The following NDE1 variants were observed in gnomAD, a reference collection of about 807,000 sequenced individuals.
The protein encoded by NDE1 is nuclear distribution protein nudE homolog 1.
NDE1 carries 28 observed loss-of-function variants against 43.4 expected under a neutral mutation model. The ratio of observed to expected loss-of-function variants is 0.65; its 90% CI spans 0.48 to 0.89. The LOEUF (loss-of-function observed/expected upper bound fraction) is 0.89. Among genes scored for constraint, NDE1 ranks in the 40% least tolerant of loss-of-function variants. The pLI, the probability that NDE1 is intolerant of heterozygous loss-of-function variation, is 0.00. For missense variants in NDE1, 441 were observed against 434.1 expected, an observed-to-expected ratio of 1.02 and a Z score of -0.14; for synonymous variants, 184 against 172.0, an observed-to-expected ratio of 1.07 and a Z score of -0.55.
At chr16:15,667,491 G>A in intron 3 of NDE1, 52 bp downstream of exon 3, 1 of 1,604,508 alleles carries the variant, frequency 6.2e-7, no homozygotes, top group Non-Finnish European at 8.5e-7. Flanking sequence ...TCCAACACAG[G>A]CATGGCATGC....
At chr16:15,693,902 C>T (rs143813840) in intron 6 of NDE1, among the ~76,000 whole-genome samples, 214 of 152,134 alleles carry the variant, frequency 1.4e-3, no homozygotes, top group African/African-American at 4.0e-3. Flanking sequence ...ATCACATCAC[C>T]GCACTCCAGT....
chr16:15,699,599 G>A (rs1308848841), intron 8 of NDE1: 2 of 1,213,488 alleles, frequency 1.6e-6, no homozygotes, highest in Non-Finnish European at 2.1e-6. Context: ...TTTCACAGGA[G>A]AGAAAATTGA....
intron 8 of NDE1, chr16:15,703,686 T>A: frequency 2.2e-6 from 1 of 456,040 alleles, no homozygotes; most frequent in Non-Finnish European, 4.1e-6. Context: ...AGTCCTGGGC[T>A]GGAGCGTTCT....
At chr16:15,670,561 G>A (rs904840324) in intron 3 of NDE1, among the ~76,000 whole-genome samples, 1 of 151,964 alleles carries the variant, frequency 6.6e-6, no homozygotes, top group African/African-American at 2.4e-5. Context: ...GGAGGCTGAG[G>A]CAGGAGAATC....
At chr16:15,654,871 AACAATTTTTGAAATGTCTAGCAC>A (rs1268094999) in intron 1 of NDE1, among the ~76,000 whole-genome samples, 1 of 151,366 alleles carries the variant, frequency 6.6e-6, no homozygotes, top group Non-Finnish European at 1.5e-5. Context: ...AATGTTTGCA[AACAATTTTTGAAATGTCTAGCAC>A]ACAGCAAACA....
intron 1 of NDE1, among the ~76,000 whole-genome samples, chr16:15,661,253 A>G (rs927022566): frequency 2.7e-5 from 4 of 147,846 alleles, no homozygotes; most frequent in Admixed American, 2.1e-4. Context: ...GGTTCAAGCC[A>G]TTCTCCTGCC....
intron 8 of NDE1, chr16:15,701,160 C>A (rs2039204416): frequency 6.6e-6 from 1 of 151,640 alleles, no homozygotes; most frequent in Non-Finnish European, 1.5e-5. Flanking sequence ...TTGCTTGGAC[C>A]CGGGAGGTGG....
At chr16:15,712,415 T>C (rs2039855210) in intron 8 of NDE1, among the ~76,000 whole-genome samples, 1 of 152,012 alleles carries the variant, frequency 6.6e-6, no homozygotes, top group Non-Finnish European at 1.5e-5. Flanking sequence ...GTGGGGAGGC[T>C]GAGGCGGGTG....
intron 8 of NDE1, chr16:15,719,127 C>A: frequency 1.5e-6 from 2 of 1,312,666 alleles, no homozygotes; most frequent in South Asian, 2.5e-5. Flanking sequence ...AACTCTGTCT[C>A]GAAAAAATTT....
At chr16:15,687,040 A>G in intron 4 of NDE1, 3 of 1,191,188 alleles carry the variant, frequency 2.5e-6, no homozygotes, top group Non-Finnish European at 3.2e-6. Flanking sequence ...TGAGCTTGCA[A>G]GAGAAGATGG....
intron 3 of NDE1, chr16:15,672,609 T>G (rs2037652606): frequency 6.6e-6 from 1 of 152,238 alleles, no homozygotes. Flanking sequence ...CATCTATTGA[T>G]GCCCCCATCA....
At chr16:15,683,222 AT>A (rs2038272918) in intron 4 of NDE1, 1 of 152,196 alleles carries the variant, frequency 6.6e-6, no homozygotes, top group Non-Finnish European at 1.5e-5. Context: ...ATATCTCTTT[AT>A]ATTTACTGAA....
intron 8 of NDE1, chr16:15,721,106 T>C: frequency 1.3e-6 from 2 of 1,589,254 alleles, no homozygotes; most frequent in Non-Finnish European, 1.7e-6. Flanking sequence ...TGAAGACGAT[T>C]GAGAAACCCA....
At chr16:15,714,677 C>A in intron 8 of NDE1, 1 of 608,338 alleles carries the variant, frequency 1.6e-6, no homozygotes, top group Non-Finnish European at 2.9e-6. Flanking sequence ...GGGAGACGGT[C>A]GATCGTTAAA....
intron 1 of NDE1, 37 bp downstream of exon 1, chr16:15,650,331 G>A: frequency 4.1e-6 from 1 of 241,946 alleles, no homozygotes; most frequent in Non-Finnish European, 8.5e-6. Flanking sequence ...GGTCGGGGTG[G>A]CTGTCCGGGG....
intron 8 of NDE1, among the ~76,000 whole-genome samples, chr16:15,723,862 T>G (rs746800262): frequency 6.6e-6 from 1 of 152,206 alleles, no homozygotes; most frequent in African/African-American, 2.4e-5. Context: ...AGTGAATAAA[T>G]AAGCACCTCA....
chr16:15,719,384 G>C, intron 8 of NDE1: 1 of 1,530,932 alleles, frequency 6.5e-7, no homozygotes, highest in Middle Eastern at 1.7e-4. Context: ...TGACAACTCA[G>C]CCACCCTTGA....
In NDE1 at chr16:15,691,279, G is replaced by C. The variant is rs376657830; in HGVS notation, c.659G>C (p.Arg220Pro). 1 of 1,614,144 alleles carries C rather than the reference G, an allele frequency of 6.2e-7. No homozygotes were observed. Among genetic ancestry groups the C allele is most frequent in the Non-Finnish European group, 8.5e-7 (1 of 1,180,022 alleles). The stretch of plus-strand genomic sequence containing the variant: ...GTGCCGTCCACGCCCATTGCTCACC[G>C]AGGACCCAGCTCAAGTTTAAACACA... ...GSVPSTPIAH[R>P]GPSSSLNTPG... The change falls in exon 6 of 9, where the codon CGA becomes CCA. Residue 220 changes from arginine to proline, a missense_variant. Physicochemically the swap from Arg to Pro is moderately radical, Grantham distance 103. Transcript: ENST00000396354.
chr16:15,710,944 C>G (rs1375444882), intron 8 of NDE1, among the ~76,000 whole-genome samples: 2 of 152,198 alleles, frequency 1.3e-5, no homozygotes, highest in Admixed American at 6.5e-5. Context: ...TCCCAAAGTG[C>G]TGGGATTACA....
Sources: allele counts gnomAD v4.1 joint callset (sites outside exome capture counted in the v4.1 genomes callset), GRCh38; gene constraint gnomAD v4.1.1; transcripts MANE v1.5; gene names NCBI Gene and HGNC (gene_info 2026-07-23, HGNC 2026-07-21).